Variants in CACHD1 observed in about 807,000 individuals in gnomAD.
CACHD1 encodes VWFA and cache domain-containing protein 1.
Under a neutral mutation model 138.7 loss-of-function variants are expected in CACHD1, and 71 were observed. The observed-to-expected ratio is 0.51, with a 90% CI of 0.42 to 0.62. CACHD1 has a LOEUF of 0.62. CACHD1 is among the 20% of genes least tolerant of loss of function. CACHD1 has a pLI of 0.00. For missense variants in CACHD1, 1,389 were observed against 1,625.3 expected, an observed-to-expected ratio of 0.85 and a Z score of 2.50; for synonymous variants, 578 against 591.5, an observed-to-expected ratio of 0.98 and a Z score of 0.33.
intron 1 of CACHD1, among the ~76,000 whole-genome samples, chr1:64,510,837 T>C (rs1465672700): frequency 6.6e-6 from 1 of 152,212 alleles, no homozygotes; most frequent in Non-Finnish European, 1.5e-5. Flanking sequence ...AAATAAGATG[T>C]TGCATATTGG....
At chr1:64,544,586 A>G (rs1016222692) in intron 1 of CACHD1, among the ~76,000 whole-genome samples, 1 of 150,648 alleles carries the variant, frequency 6.6e-6, no homozygotes, top group East Asian at 1.9e-4. Context: ...CAGGCTACCC[A>G]TGCACACGTG....
chr1:64,644,079 A>G (rs986951832), intron 8 of CACHD1, among the ~76,000 whole-genome samples: 8 of 152,216 alleles, frequency 5.3e-5, no homozygotes, highest in African/African-American at 1.9e-4. Flanking sequence ...GAACTTCTCA[A>G]GCATGAACTA....
intron 1 of CACHD1, among the ~76,000 whole-genome samples, chr1:64,482,510 T>C (rs1185850080): frequency 6.6e-6 from 1 of 152,188 alleles, no homozygotes; most frequent in African/African-American, 2.4e-5. Flanking sequence ...GGACTGTTAG[T>C]CACAGAGTTG....
chr1:64,647,260 G>A (rs943014145), intron 8 of CACHD1, among the ~76,000 whole-genome samples: 5 of 152,040 alleles, frequency 3.3e-5, no homozygotes, highest in African/African-American at 7.3e-5. Flanking sequence ...ATTAAAATGA[G>A]CTTAAAGAAA....
intron 5 of CACHD1, among the ~76,000 whole-genome samples, chr1:64,631,717 CA>C (rs1477363113): frequency 1.3e-5 from 2 of 152,158 alleles, no homozygotes; most frequent in African/African-American, 4.8e-5. Context: ...TGCACATTAG[CA>C]AAAGGCTGCT....
rs1327209899 is a variant in CACHD1, at chr1:64,622,071, G to A, written c.518-7284G>A. Among the ~76,000 whole-genome samples, 4 of 152,208 alleles carry A rather than the reference G, an allele frequency of 2.6e-5. No individual in the cohort carries two copies. The South Asian group carries it at 8.3e-4, about 32-fold the overall frequency. On this transcript the variant is annotated intron_variant, in intron 4 of 26. Transcript: ENST00000651257. ...GATAAGTACCAATCCGAATTAAATA[G>A]AAAATGCAAAATAGCACCAGGCCTT... is the stretch of plus-strand genomic sequence containing the variant.
At chr1:64,609,443 T>A in intron 4 of CACHD1, among the ~76,000 whole-genome samples, 1 of 152,206 alleles carries the variant, frequency 6.6e-6, no homozygotes, top group Middle Eastern at 3.2e-3. Flanking sequence ...TGATTCAGTT[T>A]ATATTCGTAT....
chr1:64,608,317 G>C (rs1647404015), intron 4 of CACHD1, among the ~76,000 whole-genome samples: 1 of 152,176 alleles, frequency 6.6e-6, no homozygotes, highest in Non-Finnish European at 1.5e-5. Flanking sequence ...GGTGACCTCA[G>C]AGTTCCCCCT....
At chr1:64,606,492 G>T (rs533854003) in intron 4 of CACHD1, among the ~76,000 whole-genome samples, 1 of 152,096 alleles carries the variant, frequency 6.6e-6, no homozygotes, top group Admixed American at 6.5e-5. Flanking sequence ...TCGGGGGCCA[G>T]GTCACCAAGA....
At position 64,639,396 on chromosome 1, in the gene CACHD1, T is replaced by C. The variant is rs150589574; in HGVS notation, c.1007-2424T>C. Among the ~76,000 whole-genome samples the C allele has an allele frequency of 8.7e-3, 1,320 of 152,354 alleles. 21 individuals carry two copies. Among genetic ancestry groups the C allele is most frequent in the African/African-American group, 0.03 (1,247 of 41,582 alleles). ...TATTGACATCTGGTTTGTTGACATC[T>C]AATTTAAGACAAGAATATTCCTAAA... On this transcript the variant is annotated intron_variant, in intron 7 of 26. Coordinates refer to ENST00000651257, the MANE Select transcript of CACHD1 (RefSeq NM_020925.4).
chr1:64,656,706 G>A (rs1440123301), intron 12 of CACHD1, among the ~76,000 whole-genome samples: 3 of 151,968 alleles, frequency 2.0e-5, no homozygotes, highest in Admixed American at 2.0e-4. Context: ...AGGTAGCAGT[G>A]TTAGCTTTCT....
At chr1:64,509,155 G>C (rs1204214205) in intron 1 of CACHD1, among the ~76,000 whole-genome samples, 2 of 152,094 alleles carry the variant, frequency 1.3e-5, no homozygotes, top group Non-Finnish European at 2.9e-5. Flanking sequence ...GATGAAAAAT[G>C]CTCTCTGCTT....
chr1:64,477,676 G>A (rs1003187534), intron 1 of CACHD1, among the ~76,000 whole-genome samples: 6 of 148,424 alleles, frequency 4.0e-5, no homozygotes, highest in African/African-American at 7.5e-5. Context: ...CGCCCAGGCC[G>A]GACTGCGGAC....
intron 4 of CACHD1, among the ~76,000 whole-genome samples, chr1:64,624,695 G>A (rs1648036435): frequency 6.6e-6 from 1 of 152,140 alleles, no homozygotes; most frequent in African/African-American, 2.4e-5. Context: ...TGAAACCTCA[G>A]GCATGTCAAA....
chr1:64,494,239 C>A (rs1646294147), intron 1 of CACHD1, among the ~76,000 whole-genome samples: 1 of 152,192 alleles, frequency 6.6e-6, no homozygotes, highest in South Asian at 2.1e-4. Context: ...TTAGTTAATG[C>A]TTTAGATAAC....
chr1:64,673,176 C>T lies in CACHD1; in HGVS notation c.2529C>T (p.Asp843=), dbSNP rs1649873266. 1 of 1,613,016 alleles carries T rather than the reference C, an allele frequency of 6.2e-7. No homozygotes were observed. The highest frequency in any genetic ancestry group is 1.3e-5 in the African/African-American group (1 of 74,706). The part of the protein sequence containing the change: ...GNKIRCFIME[D]RGYLVAHPTL... ...GGTACAGGTGCTTCATAATGGAGGA[C>T]AGGGGTTATCTGGTGGCGCACCCGA... The change falls in exon 18 of 27, where the codon GAC becomes GAT. Residue 843 remains aspartate, a synonymous_variant. Transcript: ENST00000651257.
At chr1:64,523,369 G>C (rs1646512392) in intron 1 of CACHD1, among the ~76,000 whole-genome samples, 2 of 151,776 alleles carry the variant, frequency 1.3e-5, no homozygotes, top group South Asian at 2.1e-4. Context: ...TAAAAAATAA[G>C]TTTTCTAGGG....
At chr1:64,626,874 T>C (rs1648116773) in intron 4 of CACHD1, among the ~76,000 whole-genome samples, 1 of 152,184 alleles carries the variant, frequency 6.6e-6, no homozygotes, top group African/African-American at 2.4e-5. Context: ...CTGTGATAAT[T>C]AATTGAAAGT....
At chr1:64,561,202 C>T (rs1646836555) in intron 2 of CACHD1, among the ~76,000 whole-genome samples, 1 of 151,522 alleles carries the variant, frequency 6.6e-6, no homozygotes, top group Non-Finnish European at 1.5e-5. Flanking sequence ...CTTCCCAACC[C>T]ACTTTTGAAT....
Sources: allele counts gnomAD v4.1 joint callset (sites outside exome capture counted in the v4.1 genomes callset), GRCh38; gene constraint gnomAD v4.1.1; transcripts MANE v1.5; gene names NCBI Gene and HGNC (gene_info 2026-07-23, HGNC 2026-07-21).